Variants in GOLM1 observed in about 807,000 individuals in gnomAD.
GOLM1 encodes the protein golgi membrane protein 1.
In GOLM1, 31 loss-of-function variants were observed where a neutral mutation model predicts 50.5. The observed-to-expected ratio is 0.61, with a 90% CI of 0.46 to 0.83. GOLM1 has a LOEUF of 0.83. Ranked by LOEUF, GOLM1 falls within the 40% of genes least tolerant of loss-of-function variation. GOLM1 has a pLI of 0.00. For missense variants in GOLM1, 491 were observed against 501.3 expected (o/e 0.98, Z 0.20); for synonymous variants, 178 against 192.8 (o/e 0.92, Z 0.64).
At chr9:86,088,350 C>T (rs540150798) in intron 1 of GOLM1, among the ~76,000 whole-genome samples, 4 of 146,974 alleles carry the variant, frequency 2.7e-5, no homozygotes, top group African/African-American at 1.0e-4. Flanking sequence ...ATTAGTCTGG[C>T]TAGCAGTCTA....
At chr9:86,050,282 G>C (rs1833699224) in intron 4 of GOLM1, among the ~76,000 whole-genome samples, 1 of 152,038 alleles carries the variant, frequency 6.6e-6, no homozygotes, top group Non-Finnish European at 1.5e-5. Context: ...ATTTTATTGA[G>C]GATTTTTGCA....
chr9:86,049,586 C>T (rs1171773192), intron 4 of GOLM1, among the ~76,000 whole-genome samples: 4 of 152,300 alleles, frequency 2.6e-5, no homozygotes, highest in African/African-American at 7.2e-5. Flanking sequence ...AGGTCCTTCA[C>T]GTCCCTTGTA....
chr9:86,054,421 A>T (rs928980160), intron 3 of GOLM1, among the ~76,000 whole-genome samples: 21 of 152,036 alleles, frequency 1.4e-4, no homozygotes, highest in Non-Finnish European at 2.4e-4. Flanking sequence ...ATGGGGTTTC[A>T]CCATGTTGGC....
At chr9:86,038,061 G>A (rs1243693716) in intron 6 of GOLM1, among the ~76,000 whole-genome samples, 1 of 151,964 alleles carries the variant, frequency 6.6e-6, no homozygotes, top group Non-Finnish European at 1.5e-5. Flanking sequence ...GGCTGAGGCA[G>A]GAGAATTGCT....
chr9:86,086,375 T>C (rs751846419), intron 1 of GOLM1, among the ~76,000 whole-genome samples: 96 of 152,210 alleles, frequency 6.3e-4, no homozygotes, highest in Non-Finnish European at 1.8e-4. Context: ...CTTTGTCAGA[T>C]GGACAGATTA....
At chr9:86,048,039 CCCA>C (rs1833612012) in intron 4 of GOLM1, among the ~76,000 whole-genome samples, 1 of 123,006 alleles carries the variant, frequency 8.1e-6, no homozygotes, top group Non-Finnish European at 1.7e-5. Flanking sequence ...CTCCCCCCAC[CCCA>C]CGACACGCCC....
rs139055170 is a variant in GOLM1, at chr9:86,077,418, G to T, written c.303C>A (p.Asp101Glu). 2 of 1,613,646 alleles carry T rather than the reference G, an allele frequency of 1.2e-6. No homozygotes were observed. Among genetic ancestry groups the T allele is most frequent in the Non-Finnish European group, 1.7e-6 (2 of 1,179,532 alleles). ...GAAACAAAGCAGGCCTTGCCTTTTC[G>T]TCCTGGTACAGCTTGTTGACGCTCT... ...QLESVNKLYQ[D>E]EKAVLVNNIT... Residue 101 changes from aspartate (D) to glutamate (E), a missense_variant, in exon 3 of 10, where the codon GAC (aspartate) becomes GAA (glutamate). Physicochemically the swap from Asp to Glu is conservative, Grantham distance 45 (BLOSUM62 2). Coordinates refer to ENST00000388712, the MANE Select transcript of GOLM1 (RefSeq NM_016548.4).
In GOLM1 at chr9:86,027,844, C is replaced by T; in HGVS notation, c.1179G>A (p.Gln393=). ...AGAGTGTATGATTCCGCTTTTCACG[C>T]TGATCAAGTAAATTTATGGTGTCTC... is the stretch of plus-strand genomic sequence containing the variant. ...QKRDTINLLD[Q]REKRNHTL The change falls in exon 10 of 10, where the codon CAG becomes CAA. Residue 393 remains glutamine (Q), a synonymous_variant. Transcript: ENST00000388712. The T allele has an allele frequency of 6.2e-7, 1 of 1,612,726 alleles. No homozygotes were observed. The highest frequency in any genetic ancestry group is 1.3e-5 in the African/African-American group (1 of 75,000).
At chr9:86,095,184 C>T (rs1358370323) in intron 1 of GOLM1, among the ~76,000 whole-genome samples, 1 of 152,008 alleles carries the variant, frequency 6.6e-6, no homozygotes, top group Non-Finnish European at 1.5e-5. Context: ...TCCTGCCAGC[C>T]ATCTATTTTT....
At chr9:86,084,122 G>A (rs1834877161) in intron 1 of GOLM1, among the ~76,000 whole-genome samples, 2 of 152,168 alleles carry the variant, frequency 1.3e-5, no homozygotes, top group African/African-American at 4.8e-5. Flanking sequence ...TTACTGTTGT[G>A]AGGCACTGCT....
At chr9:86,050,915 G>A (rs1833726161) in intron 4 of GOLM1, among the ~76,000 whole-genome samples, 1 of 152,122 alleles carries the variant, frequency 6.6e-6, no homozygotes, top group Non-Finnish European at 1.5e-5. Context: ...GCTTTTGAAT[G>A]TGTTTGCTCT....
intron 3 of GOLM1, among the ~76,000 whole-genome samples, chr9:86,053,521 A>ACATTG (rs796286967): frequency 7.5e-4 from 1 of 1,334 alleles, no homozygotes. Context: ...TCCACACAAC[A>ACATTG]CACCACTCCA....
chr9:86,052,981 ACAC>A (rs201669183), intron 3 of GOLM1, among the ~76,000 whole-genome samples: 5,780 of 151,638 alleles, frequency 0.038, 342 homozygotes, highest in African/African-American at 0.13. Flanking sequence ...ACACCAAACC[ACAC>A]CACGACACAC....
chr9:86,039,765 C>A lies in GOLM1; in HGVS notation c.597+974G>T, dbSNP rs550711830. On this transcript the variant is annotated intron_variant, in intron 6 of 9. Coordinates refer to ENST00000388712, the MANE Select transcript of GOLM1 (RefSeq NM_016548.4). ...GGTGGATCACTTGAGGTCAGCCGTTCAAGACCAGCCTGGCCAACATGATGA... is the reference window on the plus strand; with the variant it reads ...GGTGGATCACTTGAGGTCAGCCGTTAAAGACCAGCCTGGCCAACATGATGA... Among the ~76,000 whole-genome samples, 109 of 152,136 alleles carry A rather than the reference C, an allele frequency of 7.2e-4. 1 individual carries two copies. Among genetic ancestry groups the A allele is most frequent in the Admixed American group, 6.5e-4 (10 of 15,280 alleles).
chr9:86,058,753 T>C (rs1420173763), intron 3 of GOLM1, among the ~76,000 whole-genome samples: 6 of 150,212 alleles, frequency 4.0e-5, no homozygotes, highest in Non-Finnish European at 7.4e-5. Context: ...TCCCAGCACT[T>C]TGGAAGTCCG....
intron 3 of GOLM1, among the ~76,000 whole-genome samples, chr9:86,071,921 G>A (rs1834458142): frequency 6.6e-6 from 1 of 152,058 alleles, no homozygotes; most frequent in Non-Finnish European, 1.5e-5. Context: ...TAGAAACAAA[G>A]GCTTACAATA....
chr9:86,096,678 C>A (rs1162851175), intron 1 of GOLM1, among the ~76,000 whole-genome samples: 1 of 152,092 alleles, frequency 6.6e-6, no homozygotes, highest in East Asian at 1.9e-4. Context: ...GACACAGGCC[C>A]AAAATACTTA....
chr9:86,048,668 A>G (rs113047441), intron 4 of GOLM1, among the ~76,000 whole-genome samples: 27,597 of 152,150 alleles, frequency 0.18, 3,144 homozygotes, highest in African/African-American at 0.33. Context: ...CTGCATAAAC[A>G]TCTTCTTTTG....
chr9:86,053,681 T>TCCACA (rs1833886497), intron 3 of GOLM1, among the ~76,000 whole-genome samples: 3 of 17,744 alleles, frequency 1.7e-4, no homozygotes, highest in African/African-American at 1.8e-4. Context: ...GGCACACCAC[T>TCCACA]CCACACACAC....
Sources: allele counts gnomAD v4.1 joint callset (sites outside exome capture counted in the v4.1 genomes callset), GRCh38; gene constraint gnomAD v4.1.1; transcripts MANE v1.5; gene names NCBI Gene and HGNC (gene_info 2026-07-23, HGNC 2026-07-21).